Variants in COL11A1 observed in about 807,000 individuals in gnomAD.
The protein encoded by COL11A1 is collagen type XI alpha 1 chain, also known as collagen alpha-1(XI) chain.
In COL11A1, 74 loss-of-function variants were observed where a neutral mutation model predicts 265.2. The observed-to-expected ratio is 0.28, with a 90% CI of 0.23 to 0.34. The LOEUF (loss-of-function observed/expected upper bound fraction) is 0.34, where lower values mean the gene tolerates loss of function less well. Among genes scored for constraint, COL11A1 ranks in the 10% least tolerant of loss-of-function variants. The pLI is 1.00. For missense variants in COL11A1, 2,165 were observed against 2,263.6 expected, an observed-to-expected ratio of 0.96 and a Z score of 0.88; for synonymous variants, 816 against 727.6, an observed-to-expected ratio of 1.12 and a Z score of -1.96.
rs1388019006 is a variant in COL11A1 at position 102,961,876 on chromosome 1, G to T, written c.3158C>A (p.Pro1053Gln). The T allele has an allele frequency of 1.4e-5, 23 of 1,613,064 alleles. No homozygotes were observed. The highest frequency in any genetic ancestry group is 1.8e-5 in the Non-Finnish European group (21 of 1,179,526). ...LKGGEGPQGP[P>Q]GPVGSPGERG... is the part of the protein sequence containing the mutation. Reference sequence around the variant, plus strand: ...TATCATCATACTTACAACTGGACCTGGTGGGCCCTGGGGACCTTCCCCTCC... The same window carrying T: ...TATCATCATACTTACAACTGGACCTTGTGGGCCCTGGGGACCTTCCCCTCC... Residue 1053 changes from proline to glutamine, a missense_variant, in exon 41 of 67, where the codon CCA (proline) becomes CAA (glutamine). By Grantham distance (76) the Pro-to-Gln change is moderately conservative (BLOSUM62 -1). Transcript: ENST00000370096.
At chr1:103,094,850 A>G (rs1002349389) in intron 1 of COL11A1, among the ~76,000 whole-genome samples, 1 of 152,102 alleles carries the variant, frequency 6.6e-6, no homozygotes, top group Non-Finnish European at 1.5e-5. Flanking sequence ...GCCAAAAGTT[A>G]TACATGGATT....
At chr1:103,078,366 T>C (rs1050274790) in intron 3 of COL11A1, among the ~76,000 whole-genome samples, 4 of 152,108 alleles carry the variant, frequency 2.6e-5, no homozygotes, top group African/African-American at 7.2e-5. Flanking sequence ...TTTGGCTTGA[T>C]GTCACTTCTT....
rs757107664 is a variant in COL11A1, at chr1:103,082,773, T to A, written c.274+32A>T. The A allele has an allele frequency of 6.4e-6, 10 of 1,561,612 alleles. No individual in the cohort carries two copies. The South Asian group carries it at 1.1e-4, about 18-fold the overall frequency. On this transcript the variant is annotated intron_variant, in intron 2 of 66. Transcript: ENST00000370096. ...ACAAAAGTGTAATAACTTTTAGTAA[T>A]AATAACAATAATAATAATAAAGTGA...
intron 37 of COL11A1, among the ~76,000 whole-genome samples, chr1:102,966,371 G>GA (rs577455722): frequency 2.0e-5 from 3 of 151,498 alleles, no homozygotes; most frequent in Non-Finnish European, 1.5e-5. Context: ...AATAAGATTA[G>GA]AAAAAAAATG....
At chr1:102,956,855 C>A (rs1465072751) in intron 41 of COL11A1, among the ~76,000 whole-genome samples, 1 of 150,718 alleles carries the variant, frequency 6.6e-6, no homozygotes, top group African/African-American at 2.4e-5. Flanking sequence ...GAAAAGAATT[C>A]TAAGTTTTGT....
intron 46 of COL11A1, among the ~76,000 whole-genome samples, chr1:102,932,131 C>G (rs998253168): frequency 2.6e-5 from 4 of 151,256 alleles, no homozygotes; most frequent in African/African-American, 7.3e-5. Context: ...TTGATCCTGT[C>G]ATTATGATGT....
intron 64 of COL11A1, among the ~76,000 whole-genome samples, chr1:102,882,838 A>G (rs1201549527): frequency 6.6e-6 from 1 of 152,188 alleles, no homozygotes; most frequent in Non-Finnish European, 1.5e-5. Context: ...TTATAAAATT[A>G]GATATTTTGG....
chr1:103,087,398 A>G (rs1157817324), intron 1 of COL11A1, among the ~76,000 whole-genome samples: 3 of 152,164 alleles, frequency 2.0e-5, no homozygotes, highest in Non-Finnish European at 4.4e-5. Flanking sequence ...AGCTTCCAAA[A>G]ATCCATGTCT....
At chr1:103,091,919 A>C (rs1252641676) in intron 1 of COL11A1, among the ~76,000 whole-genome samples, 1 of 152,120 alleles carries the variant, frequency 6.6e-6, no homozygotes, top group Non-Finnish European at 1.5e-5. Context: ...AACCAAACAC[A>C]TAACAAGCCT....
At chr1:102,949,378 C>T (rs1432767531) in intron 41 of COL11A1, among the ~76,000 whole-genome samples, 3 of 151,708 alleles carry the variant, frequency 2.0e-5, no homozygotes, top group Non-Finnish European at 4.4e-5. Flanking sequence ...ATTGGCTATA[C>T]AAAAAGAGGT....
intron 41 of COL11A1, among the ~76,000 whole-genome samples, chr1:102,950,534 T>A (rs1659773601): frequency 6.6e-6 from 1 of 152,124 alleles, no homozygotes; most frequent in Admixed American, 6.6e-5. Flanking sequence ...CAACTCACAT[T>A]CTTAGAATTT....
chr1:102,996,004 G>T lies in COL11A1; in HGVS notation c.2280C>A (p.Gly760=), dbSNP rs745385206. 1.9e-6 allele frequency: 3 copies of T among 1,613,310 alleles called. No individual in the cohort carries two copies. The highest frequency in any genetic ancestry group is 2.5e-6 in the Non-Finnish European group (3 of 1,179,578). ...PGPQGPIGYP[G]PRGVKGADGV... ...TTAACGTTACCTTTACTCCCCGGGGGCCCGGGTATCCAATAGGACCTTGTG... is the reference window on the plus strand; with the variant it reads ...TTAACGTTACCTTTACTCCCCGGGGTCCCGGGTATCCAATAGGACCTTGTG... The change falls in exon 27 of 67, where the codon GGC becomes GGA. Residue 760 remains glycine, a synonymous_variant. Transcript: ENST00000370096.
chr1:102,903,490 A>G (rs972829787), intron 54 of COL11A1, among the ~76,000 whole-genome samples: 3 of 152,208 alleles, frequency 2.0e-5, no homozygotes, highest in Non-Finnish European at 2.9e-5. Context: ...TGGGAAAGTA[A>G]GGATCTGAGA....
intron 28 of COL11A1, among the ~76,000 whole-genome samples, chr1:102,994,132 T>C (rs996795194): frequency 2.6e-5 from 4 of 152,214 alleles, no homozygotes; most frequent in Admixed American, 6.5e-5. Context: ...ATCCATTCCC[T>C]ATTGGTATCA....
chr1:103,004,501 AAATG>A lies in COL11A1; in HGVS notation c.1900-17_1900-14del. 6.2e-7 allele frequency: 1 copy of A among 1,610,812 alleles called. No homozygotes were observed. The highest frequency in any genetic ancestry group is 8.5e-7 in the Non-Finnish European group (1 of 1,177,642). On this transcript the variant is annotated splice_polypyrimidine_tract_variant and intron_variant, in intron 19 of 66. Coordinates refer to ENST00000370096, the MANE Select transcript of COL11A1 (RefSeq NM_001854.4). Reference sequence around the variant, plus strand: ...CTCCATCTTCTCCCTGTCATTGACAAAATGAATGAGAGTATAGAACATTTGGACA... The same window carrying A: ...CTCCATCTTCTCCCTGTCATTGACAAAATGAGAGTATAGAACATTTGGACA...
intron 42 of COL11A1, among the ~76,000 whole-genome samples, chr1:102,942,586 T>TA (rs761504736): frequency 6.6e-6 from 1 of 152,128 alleles, no homozygotes; most frequent in South Asian, 2.1e-4. Context: ...AATCTTTCCT[T>TA]AAAAAATGAT....
intron 31 of COL11A1, among the ~76,000 whole-genome samples, chr1:102,981,812 A>C (rs912006102): frequency 2.6e-5 from 4 of 151,980 alleles, no homozygotes; most frequent in Non-Finnish European, 5.9e-5. Context: ...AATAGATTTT[A>C]TTTTAGAAAC....
chr1:103,057,638 T>C (rs1234872776), intron 4 of COL11A1, among the ~76,000 whole-genome samples: 1 of 152,202 alleles, frequency 6.6e-6, no homozygotes, highest in African/African-American at 2.4e-5. Context: ...ATTGATGTTG[T>C]GTTAGCAAGC....
At chr1:103,013,354 T>C (rs1206947699) in intron 13 of COL11A1, among the ~76,000 whole-genome samples, 7 of 151,998 alleles carry the variant, frequency 4.6e-5, no homozygotes, top group Admixed American at 3.3e-4. Flanking sequence ...TAATGCTTGC[T>C]ACCTATTTTT....
Sources: allele counts gnomAD v4.1 joint callset (sites outside exome capture counted in the v4.1 genomes callset), GRCh38; gene constraint gnomAD v4.1.1; transcripts MANE v1.5; gene names NCBI Gene and HGNC (gene_info 2026-07-23, HGNC 2026-07-21).